The following NRAP variants were observed in gnomAD, a reference collection of about 807,000 sequenced individuals.
NRAP encodes the protein nebulin-related-anchoring protein.
Under a neutral mutation model 225.9 loss-of-function variants are expected in NRAP, and 189 were observed. The observed-to-expected ratio is 0.84, with a 90% confidence interval of 0.74 to 0.94. NRAP has a LOEUF of 0.94. Ranked by LOEUF, NRAP falls within the 40% of genes least tolerant of loss-of-function variation. The probability of loss-of-function intolerance (pLI) is 0.00; values close to 1 mark genes in which losing one functional copy is unlikely to be tolerated. For missense variants in NRAP, 2,176 were observed against 2,168.7 expected, an observed-to-expected ratio of 1.00 and a Z score of -0.07; for synonymous variants, 769 against 790.7, an observed-to-expected ratio of 0.97 and a Z score of 0.46.
At chr10:113,640,145 T>C in intron 14 of NRAP, 82 bp downstream of exon 14, 2 of 759,292 alleles carry the variant, frequency 2.6e-6, no homozygotes, top group African/African-American at 1.8e-5. Flanking sequence ...CATGTTTCTT[T>C]CCATCTTGCT....
chr10:113,662,766 G>A lies in NRAP; in HGVS notation c.168C>T (p.Ala56=). 6.5e-7 allele frequency: 1 copy of A among 1,536,942 alleles called. No individual in the cohort carries two copies. Among genetic ancestry groups the A allele is most frequent in the Non-Finnish European group, 9.0e-7 (1 of 1,113,144 alleles). ...VSHQKKPYCH[A]HNPKNNTFTS... ...TGAAAGTGTTGTTCTTAGGGTTATG[G>A]CTACAACAAATAGGTATAAATCAAA... Residue 56 remains alanine (A), a splice_region_variant and synonymous_variant, in exon 3 of 42, where the codon GCC becomes GCT. Transcript: ENST00000359988.
chr10:113,638,812 A>G (rs1283056036), intron 14 of NRAP, among the ~76,000 whole-genome samples: 3 of 152,344 alleles, frequency 2.0e-5, no homozygotes, highest in Non-Finnish European at 2.9e-5. Flanking sequence ...AATGTGGCTC[A>G]TGGGCTGCCA....
intron 11 of NRAP, 147 bp from the exon 12 acceptor site, chr10:113,643,185 C>A (rs754425751): frequency 1.3e-5 from 6 of 457,198 alleles, no homozygotes; most frequent in Non-Finnish European, 2.3e-5. Context: ...GTTAGCAGGA[C>A]ATATTTTCCT....
intron 32 of NRAP, 61 bp downstream of exon 32, chr10:113,608,353 G>A (rs776159200): frequency 9.8e-7 from 1 of 1,020,132 alleles, no homozygotes; most frequent in Non-Finnish European, 1.5e-6. Context: ...ACATTCACGT[G>A]TATTTTTAAC....
intron 35 of NRAP, among the ~76,000 whole-genome samples, chr10:113,603,584 C>T (rs1398086025): frequency 2.0e-5 from 3 of 152,148 alleles, no homozygotes; most frequent in Non-Finnish European, 2.9e-5. Flanking sequence ...CAGTGAGAGT[C>T]GGCGGTGGTT....
At chr10:113,631,645 A>G (rs1564736786) in intron 17 of NRAP, 35 bp from the exon 18 acceptor site, 1 of 1,421,592 alleles carries the variant, frequency 7.0e-7, no homozygotes, top group East Asian at 2.3e-5. Flanking sequence ...TGTGAGTGAG[A>G]GAGAAACTTT....
At chr10:113,625,571 T>C (rs1848237928) in intron 21 of NRAP, among the ~76,000 whole-genome samples, 1 of 152,198 alleles carries the variant, frequency 6.6e-6, no homozygotes, top group Non-Finnish European at 1.5e-5. Context: ...CCTGGACAGA[T>C]TGCAGCAACT....
chr10:113,589,525 A>C, intron 41 of NRAP, 141 bp downstream of exon 41: 14 of 922,334 alleles, frequency 1.5e-5, no homozygotes, highest in Non-Finnish European at 2.3e-5. Context: ...CCATGAAATT[A>C]GGCGCCTTGT....
chr10:113,623,593 A>G lies in NRAP; in HGVS notation c.2393T>C (p.Phe798Ser). ...SSWENQKAKG[F>S]ELRLDSLTFL... ...GGTCAAGGAATCAAGACGCAGCTCA[A>G]ACCCTTTTGCTTTCTGGTTTTCCCA... is the stretch of plus-strand genomic sequence containing the variant. Residue 798 changes from phenylalanine (F) to serine (S), a missense_variant, in exon 23 of 42, where the codon TTT (phenylalanine) becomes TCT (serine). By Grantham distance (155) the Phe-to-Ser change is radical (BLOSUM62 -2). Around this residue, in one of 3 missense-constraint regions of NRAP, gnomAD observed 1,708 missense variants for 1,695.5 expected, o/e 1.01. Coordinates refer to ENST00000359988, the MANE Select transcript of NRAP (RefSeq NM_198060.4). The G allele has an allele frequency of 6.2e-7, 1 of 1,614,052 alleles. No individual in the cohort carries two copies. Among genetic ancestry groups the G allele is most frequent in the Non-Finnish European group, 8.5e-7 (1 of 1,179,922 alleles).
chr10:113,597,284 T>A, intron 36 of NRAP, 100 bp from the exon 37 acceptor site: 1 of 760,764 alleles, frequency 1.3e-6, no homozygotes, highest in Non-Finnish European at 2.4e-6. Flanking sequence ...AACATGCCAA[T>A]CATATTGTTG....
chr10:113,662,723 G>C lies in NRAP; in HGVS notation c.211C>G (p.Pro71Ala). ...NNTFTSVYHT[P>A]LNLNVRTFPE... ...AATGTCCTCACATTTAGATTTAATG[G>C]AGTGTGATAGACACTGGTGAAAGTG... is the stretch of plus-strand genomic sequence containing the variant. The change falls in exon 3 of 42, where the codon CCA becomes GCA. Residue 71 changes from proline (P) to alanine (A), a missense_variant. Pro to Ala is a conservative substitution (Grantham distance 27, BLOSUM62 -1). Transcript: ENST00000359988. 6.2e-7 allele frequency: 1 copy of C among 1,601,644 alleles called. No individual in the cohort carries two copies. Among genetic ancestry groups the C allele is most frequent in the South Asian group, 1.1e-5 (1 of 90,820 alleles).
At chr10:113,621,557 CCA>C in intron 24 of NRAP, among the ~76,000 whole-genome samples, 1 of 152,120 alleles carries the variant, frequency 6.6e-6, no homozygotes, top group East Asian at 1.9e-4. Flanking sequence ...TAGCAGGCCA[CCA>C]CTAGGAATGA....
chr10:113,634,039 G>A (rs2134052406), intron 15 of NRAP, 73 bp downstream of exon 15: 4 of 905,856 alleles, frequency 4.4e-6, no homozygotes, highest in African/African-American at 3.3e-5. Context: ...ATCCTTGGAG[G>A]TCAGATGTCC....
In NRAP at chr10:113,622,063, C is replaced by T. The variant is rs781121431; in HGVS notation, c.2575G>A (p.Glu859Lys). The part of the protein sequence containing the change: ...LQMSKLQSEL[E>K]YKKGFEDTKS... ...GTGTCCTCGAATCCCTTCTTGTACT[C>T]CAGCTCACTCTGCAGCTTGGACATT... The change falls in exon 24 of 42, where the codon GAG (glutamate) becomes AAG (lysine). Residue 859 changes from glutamate (E) to lysine (K), a missense_variant. This residue lies in a region of NRAP where 1,708 missense variants were observed against 1,695.5 expected (regional missense o/e 1.01). Coordinates refer to ENST00000359988, the MANE Select transcript of NRAP (RefSeq NM_198060.4). The T allele has an allele frequency of 1.7e-5, 27 of 1,614,110 alleles. No individual in the cohort carries two copies. The South Asian group carries it at 2.7e-4, about 16-fold the overall frequency.
At chr10:113,653,709 G>C (rs1007670239) in intron 5 of NRAP, among the ~76,000 whole-genome samples, 1 of 152,160 alleles carries the variant, frequency 6.6e-6, no homozygotes, top group African/African-American at 2.4e-5. Context: ...TTGGAGGTCA[G>C]TACTTTAAAA....
intron 31 of NRAP, 53 bp from the exon 32 acceptor site, chr10:113,608,565 A>G: frequency 2.6e-6 from 3 of 1,167,396 alleles, no homozygotes; most frequent in Non-Finnish European, 3.8e-6. Context: ...GATAAAAACC[A>G]GAAGCAGAAC....
In NRAP at chr10:113,652,951, T is replaced by C. The variant is rs905481954; in HGVS notation, c.554A>G (p.Asn185Ser). ...GGCACTCACTTGGCTGGCCAGCTGGTTGGCTTTCTTGGCCCTTTGATAAGC... is the reference window on the plus strand; with the variant it reads ...GGCACTCACTTGGCTGGCCAGCTGGCTGGCTTTCTTGGCCCTTTGATAAGC... The part of the protein sequence containing the change: ...TPAYQRAKKA[N>S]QLASQVEYKR... Residue 185 changes from asparagine to serine, a missense_variant, in exon 6 of 42, where the codon AAC becomes AGC. Coordinates refer to ENST00000359988, the MANE Select transcript of NRAP (RefSeq NM_198060.4). 13 of 1,612,372 alleles carry C rather than the reference T, an allele frequency of 8.1e-6. No individual in the cohort carries two copies. Among genetic ancestry groups the C allele is most frequent in the African/African-American group, 1.3e-5 (1 of 74,860 alleles).
In NRAP at chr10:113,631,888, G is replaced by T. The variant is rs766172469; in HGVS notation, c.1709C>A (p.Ala570Asp). 36 of 1,613,010 alleles carry T rather than the reference G, an allele frequency of 2.2e-5. No individual in the cohort carries two copies. Among genetic ancestry groups the T allele is most frequent in the Non-Finnish European group, 3.1e-5 (36 of 1,179,088 alleles). The change falls in exon 17 of 42, where the codon GCC becomes GAC. Residue 570 changes from alanine (A) to aspartate (D), a missense_variant. Physicochemically the swap from Ala to Asp is moderately radical, Grantham distance 126. Around this residue, in one of 3 missense-constraint regions of NRAP, gnomAD observed 1,708 missense variants for 1,695.5 expected, o/e 1.01. Coordinates refer to ENST00000359988, the MANE Select transcript of NRAP (RefSeq NM_198060.4). ...EMKLDAMSLL[A>D]AKASGELASN... Reference sequence around the variant, plus strand: ...AGCAAGCTCCCCAGAGGCTTTGGCGGCCAGCAGAGACATGGCATCCAGCTT... The same window carrying T: ...AGCAAGCTCCCCAGAGGCTTTGGCGTCCAGCAGAGACATGGCATCCAGCTT...
At chr10:113,617,003 A>G (rs1847703642) in intron 26 of NRAP, among the ~76,000 whole-genome samples, 1 of 152,180 alleles carries the variant, frequency 6.6e-6, no homozygotes, top group Non-Finnish European at 1.5e-5. Flanking sequence ...AGTCTGATGT[A>G]TATAAATCAG....
Sources: allele counts gnomAD v4.1 joint callset (sites outside exome capture counted in the v4.1 genomes callset), GRCh38; gene constraint gnomAD v4.1.1; regional missense constraint gnomAD v4.1.1; transcripts MANE v1.5; gene names NCBI Gene and HGNC (gene_info 2026-07-23, HGNC 2026-07-21).